The following TMEM183A variants were observed in gnomAD, a reference collection of about 807,000 sequenced individuals.
The protein encoded by TMEM183A is chromosome 1 open reading frame 37.
A neutral mutation model predicts 46.7 loss-of-function variants in TMEM183A; 21 were observed. The observed-to-expected ratio is 0.45, with a 90% CI of 0.32 to 0.65. The LOEUF (loss-of-function observed/expected upper bound fraction) is 0.65, where lower values mean the gene tolerates loss of function less well. Among genes scored for constraint, TMEM183A ranks in the 30% least tolerant of loss-of-function variants. TMEM183A has a pLI of 0.04. For synonymous variants in TMEM183A, 165 were observed against 180.2 expected (o/e 0.92, Z 0.68); for missense variants, 331 against 481.9 (o/e 0.69, Z 2.93).
chr1:203,016,117 C>G lies in TMEM183A; in HGVS notation c.685C>G (p.Pro229Ala). The change falls in exon 5 of 8, where the codon CCC becomes GCC. Residue 229 changes from proline to alanine, a missense_variant. Transcript: ENST00000367242. ...GAATCCAGCCATTCCAGAAAGCACC[C>G]CCAGCACATTAAAGAATTCCAAAGT... ...SKNPAIPESTPSTLKNSKCLL... is the reference protein window; with the variant it reads ...SKNPAIPESTASTLKNSKCLL... 1 of 1,614,178 alleles carries G rather than the reference C, an allele frequency of 6.2e-7. No individual in the cohort carries two copies. Among genetic ancestry groups the G allele is most frequent in the Non-Finnish European group, 8.5e-7 (1 of 1,180,020 alleles).
At chr1:203,008,602 G>A in intron 2 of TMEM183A, 41 bp from the exon 3 acceptor site, 2 of 1,418,192 alleles carry the variant, frequency 1.4e-6, no homozygotes, top group South Asian at 3.3e-5. Flanking sequence ...ATTTCTGGGT[G>A]GAGCTGTGTG....
chr1:203,008,031 C>A (rs1656149178), intron 2 of TMEM183A, among the ~76,000 whole-genome samples, 168 bp downstream of exon 2: 1 of 152,194 alleles, frequency 6.6e-6, no homozygotes, highest in South Asian at 2.1e-4. Flanking sequence ...GTAGCAGTTT[C>A]TGTAGCAGAA....
chr1:203,017,750 T>C (rs923446947), intron 5 of TMEM183A: 3 of 985,762 alleles, frequency 3.0e-6, no homozygotes, highest in Non-Finnish European at 3.6e-6. Context: ...CTCTCTCTCT[T>C]TTCAGTAGCA....
At position 203,007,798 on chromosome 1, in the gene TMEM183A, C is replaced by T; in HGVS notation, c.134C>T (p.Ser45Leu). ...GTGACCGTGGCGGATTACGCCAACT[C>T]GGATCCGGCGGTCGTGAGGTCTGGA... ...GRVTVADYAN[S>L]DPAVVRSGRV... Residue 45 changes from serine to leucine, a missense_variant, in exon 2 of 8, where the codon TCG (serine) becomes TTG (leucine). Physicochemically the swap from Ser to Leu is moderately radical, Grantham distance 145 (BLOSUM62 -2). Transcript: ENST00000367242. The T allele has an allele frequency of 6.2e-7, 1 of 1,613,940 alleles. No individual in the cohort carries two copies. The highest frequency in any genetic ancestry group is 8.5e-7 in the Non-Finnish European group (1 of 1,179,878).
intron 3 of TMEM183A, 88 bp downstream of exon 3, chr1:203,008,898 A>T (rs1656273729): frequency 1.5e-6 from 2 of 1,356,488 alleles, no homozygotes; most frequent in African/African-American, 3.0e-5. Context: ...AGGAGGAGAT[A>T]TAAGACGTGA....
chr1:203,015,933 T>G, intron 4 of TMEM183A, 27 bp from the exon 5 acceptor site: 1 of 1,607,090 alleles, frequency 6.2e-7, no homozygotes, highest in Non-Finnish European at 8.5e-7. Context: ...GGTCACATAT[T>G]GGTAGGAGTA....
At chr1:203,021,993 T>C (rs1386657230) in intron 7 of TMEM183A, among the ~76,000 whole-genome samples, 1 of 152,240 alleles carries the variant, frequency 6.6e-6, no homozygotes, top group Non-Finnish European at 1.5e-5. Flanking sequence ...GTTCTCTTAA[T>C]GTGTCTGTTA....
chr1:203,007,405 T>C lies in TMEM183A; in HGVS notation c.-61T>C. 7.5e-7 allele frequency: 1 copy of C among 1,332,930 alleles called. No homozygotes were observed. The highest frequency in any genetic ancestry group is 3.0e-5 in the East Asian group (1 of 32,970). 82.6% of individuals were successfully genotyped at this position (1,332,930 alleles called of 1,614,324 possible). ...AGAGTTAGCGGCCTCCGGTGTGGGATGGCCGCGGAGCCGGGCGGAGCTGGC... is the reference window on the plus strand; with the variant it reads ...AGAGTTAGCGGCCTCCGGTGTGGGACGGCCGCGGAGCCGGGCGGAGCTGGC... On this transcript the variant is annotated 5_prime_UTR_variant, in exon 1 of 8. An upstream start codon of the reference 5' UTR is lost. Transcript: ENST00000367242.
chr1:203,016,581 T>C (rs1657190499), intron 5 of TMEM183A, among the ~76,000 whole-genome samples: 1 of 152,188 alleles, frequency 6.6e-6, no homozygotes, highest in South Asian at 2.1e-4. Flanking sequence ...TTCCCCTTTA[T>C]TGTTGACCTC....
chr1:203,015,803 A>C, intron 4 of TMEM183A, 157 bp from the exon 5 acceptor site: 1 of 891,036 alleles, frequency 1.1e-6, no homozygotes, highest in South Asian at 1.9e-5. Flanking sequence ...CAAAGACGTA[A>C]AAGTCGCCAA....
intron 1 of TMEM183A, 72 bp downstream of exon 1, chr1:203,007,646 G>T (rs1656084577): frequency 2.6e-6 from 4 of 1,531,628 alleles, no homozygotes; most frequent in Non-Finnish European, 2.6e-6. Context: ...ACCGTGCCGA[G>T]GTGAGCGCTC....
rs1291882998 is a variant in TMEM183A at position 203,008,814 on chromosome 1, T to C, written c.367+4T>C. 5 of 1,595,284 alleles carry C rather than the reference T, an allele frequency of 3.1e-6. No individual in the cohort carries two copies. The highest frequency in any genetic ancestry group is 1.7e-4 in the Middle Eastern group (1 of 5,984). On this transcript the variant is annotated splice_donor_region_variant and intron_variant, in intron 3 of 7. Transcript: ENST00000367242. ...AAGAAAAGCAAGAGACACAAAGGTA[T>C]GGAGCTTGTTCTCTTTTGGTTTATT...
chr1:203,015,905 C>T (rs531529298), intron 4 of TMEM183A, 55 bp from the exon 5 acceptor site: 7 of 1,580,644 alleles, frequency 4.4e-6, no homozygotes, highest in South Asian at 3.5e-5. Context: ...AGAAAACTGA[C>T]CTAGAGCAGG....
intron 3 of TMEM183A, among the ~76,000 whole-genome samples, chr1:203,012,235 T>TCACACACACACACACACACACA (rs56743654): frequency 0.013 from 1,056 of 80,786 alleles, 69 homozygotes; most frequent in Non-Finnish European, 0.017. Flanking sequence ...CCCCACTCCA[T>TCACACACACACACACACACACA]CACACACACA....
In TMEM183A at chr1:203,020,362, G is replaced by A. The variant is rs1458370330; in HGVS notation, c.790-431G>A. On this transcript the variant is annotated intron_variant, in intron 6 of 7. Coordinates refer to ENST00000367242, the MANE Select transcript of TMEM183A (RefSeq NM_138391.6). ...GGATTACTGCAGGAAAGTGAATGCC[G>A]AGATTTTCCTTTAGTTCCGAGACTT... is the stretch of plus-strand genomic sequence containing the variant. 2.6e-5 allele frequency among the ~76,000 whole-genome samples: 4 copies of A among 152,268 alleles called. No individual in the cohort carries two copies. In the East Asian group the frequency reaches 7.7e-4, roughly 29 times the overall value.
intron 1 of TMEM183A, 57 bp from the exon 2 acceptor site, chr1:203,007,717 C>T (rs1656094138): frequency 1.0e-5 from 16 of 1,601,752 alleles, no homozygotes; most frequent in African/African-American, 1.3e-5. Flanking sequence ...GAGGTGTTGG[C>T]GGGGAAGACG....
At position 203,007,796 on chromosome 1, in the gene TMEM183A, C is replaced by G. The variant is rs551330258; in HGVS notation, c.132C>G (p.Asn44Lys). The stretch of plus-strand genomic sequence containing the variant: ...CAGTGACCGTGGCGGATTACGCCAA[C>G]TCGGATCCGGCGGTCGTGAGGTCTG... ...SGRVTVADYANSDPAVVRSGR... is the reference protein window; with the variant it reads ...SGRVTVADYAKSDPAVVRSGR... The change falls in exon 2 of 8, where the codon AAC becomes AAG. Residue 44 changes from asparagine (N) to lysine (K), a missense_variant. Physicochemically the swap from Asn to Lys is moderately conservative, Grantham distance 94. Around this residue, in one of 2 missense-constraint regions of TMEM183A, gnomAD observed 98 missense variants for 96.1 expected, o/e 1.02. Transcript: ENST00000367242. 6.2e-7 allele frequency: 1 copy of G among 1,613,866 alleles called. No individual in the cohort carries two copies. Among genetic ancestry groups the G allele is most frequent in the African/African-American group, 1.3e-5 (1 of 74,920 alleles).
chr1:203,007,990 A>G, intron 2 of TMEM183A, 127 bp downstream of exon 2: 4 of 1,170,074 alleles, frequency 3.4e-6, no homozygotes, highest in Non-Finnish European at 4.8e-6. Flanking sequence ...GTGTTAACTT[A>G]CATATTGGGG....
intron 1 of TMEM183A, 31 bp from the exon 2 acceptor site, chr1:203,007,743 C>G (rs776780534): frequency 1.9e-6 from 3 of 1,611,528 alleles, no homozygotes; most frequent in East Asian, 4.5e-5. Context: ...GAGAGAAGGC[C>G]TCTTCCTTGA....
Sources: gnomAD v4.1 joint callset for allele counts (sites outside exome capture counted in the v4.1 genomes callset) on GRCh38, gnomAD v4.1.1 for gene constraint, gnomAD v4.1.1 regional missense constraint, MANE v1.5 for transcripts, NCBI Gene and HGNC (gene_info 2026-07-23, HGNC 2026-07-21) for gene names.